FRMD4A: variants seen among roughly 807,000 people sequenced by gnomAD.
FRMD4A encodes the protein FERM domain-containing protein 4A.
FRMD4A carries 29 observed loss-of-function variants against 129.1 expected under a neutral mutation model. The ratio of observed to expected loss-of-function variants is 0.22; its 90% CI spans 0.17 to 0.31. The LOEUF (loss-of-function observed/expected upper bound fraction) is 0.31, where lower values mean the gene tolerates loss of function less well. FRMD4A is among the 10% of genes least tolerant of loss of function. FRMD4A has a pLI of 1.00. For synonymous variants in FRMD4A, 634 were observed against 571.6 expected (o/e 1.11, Z -1.56); for missense variants, 1,272 against 1,375.8 (o/e 0.92, Z 1.19).
intron 3 of FRMD4A, among the ~76,000 whole-genome samples, chr10:13,815,517 T>C (rs1470977976): frequency 2.0e-5 from 3 of 152,070 alleles, no homozygotes; most frequent in Non-Finnish European, 4.4e-5. Context: ...TGCCACTGAA[T>C]TGCACATACG....
intron 2 of FRMD4A, among the ~76,000 whole-genome samples, chr10:14,045,043 C>T (rs1833929998): frequency 6.6e-6 from 1 of 152,120 alleles, no homozygotes; most frequent in Non-Finnish European, 1.5e-5. Flanking sequence ...GCTGGGACTA[C>T]AGGCACCCAC....
chr10:14,100,295 T>C (rs559533225), intron 2 of FRMD4A, among the ~76,000 whole-genome samples: 10 of 152,340 alleles, frequency 6.6e-5, no homozygotes, highest in African/African-American at 2.4e-4. Flanking sequence ...AAAGAATTCA[T>C]TATAAATATT....
At chr10:13,876,151 A>C (rs1426028984) in intron 2 of FRMD4A, among the ~76,000 whole-genome samples, 1 of 152,280 alleles carries the variant, frequency 6.6e-6, no homozygotes, top group Non-Finnish European at 1.5e-5. Flanking sequence ...ACTCAGGGAC[A>C]GACGGACTCT....
intron 15 of FRMD4A, among the ~76,000 whole-genome samples, chr10:13,683,356 G>A (rs780859595): frequency 3.9e-5 from 6 of 151,956 alleles, no homozygotes; most frequent in Admixed American, 6.5e-5. Context: ...AGGCCCTGGC[G>A]GGAGGATTGC....
intron 2 of FRMD4A, among the ~76,000 whole-genome samples, chr10:14,168,792 A>C (rs890650814): frequency 6.6e-6 from 1 of 152,228 alleles, no homozygotes; most frequent in Non-Finnish European, 1.5e-5. Flanking sequence ...TATACAGAAA[A>C]AAACTGAGGC....
intron 3 of FRMD4A, among the ~76,000 whole-genome samples, chr10:13,828,059 C>T (rs1162176999): frequency 6.6e-6 from 1 of 152,242 alleles, no homozygotes; most frequent in African/African-American, 2.4e-5. Context: ...CTCCAGCAGG[C>T]CTCGTCTGAG....
chr10:13,722,835 CTAGG>C (rs1329879955), intron 12 of FRMD4A, among the ~76,000 whole-genome samples: 1 of 152,162 alleles, frequency 6.6e-6, no homozygotes, highest in Non-Finnish European at 1.5e-5. Flanking sequence ...TGCTGGTTAG[CTAGG>C]TCACCATGCT....
chr10:13,714,543 T>C (rs2088584366), intron 12 of FRMD4A, among the ~76,000 whole-genome samples: 1 of 152,168 alleles, frequency 6.6e-6, no homozygotes, highest in Non-Finnish European at 1.5e-5. Flanking sequence ...AGTCTTCTAC[T>C]TTGTACTGGA....
intron 3 of FRMD4A, among the ~76,000 whole-genome samples, chr10:13,830,654 C>G (rs971305299): frequency 2.6e-4 from 40 of 152,200 alleles, no homozygotes; most frequent in Non-Finnish European, 3.4e-4. Context: ...TTATGGGAGG[C>G]CTTGCCCTAC....
intron 2 of FRMD4A, among the ~76,000 whole-genome samples, chr10:13,928,494 C>A (rs915886873): frequency 2.8e-4 from 43 of 152,128 alleles, no homozygotes; most frequent in African/African-American, 1.0e-3. Context: ...AAATGATCTA[C>A]ATGCACATTT....
intron 2 of FRMD4A, among the ~76,000 whole-genome samples, chr10:14,220,118 C>T (rs1006559995): frequency 3.3e-5 from 5 of 152,170 alleles, no homozygotes; most frequent in African/African-American, 4.8e-5. Context: ...CCAGAACTTA[C>T]GTTCTAGTGA....
chr10:13,863,753 C>CTT (rs57497357), intron 2 of FRMD4A, among the ~76,000 whole-genome samples: 2,739 of 150,054 alleles, frequency 0.018, 33 homozygotes, highest in African/African-American at 0.023. Flanking sequence ...TAATATGTTA[C>CTT]TTTTTTTTTC....
chr10:13,941,573 G>T (rs2095292859), intron 2 of FRMD4A, among the ~76,000 whole-genome samples: 1 of 152,206 alleles, frequency 6.6e-6, no homozygotes, highest in Non-Finnish European at 1.5e-5. Flanking sequence ...TCAGATCGTA[G>T]ACACCAGGCA....
intron 2 of FRMD4A, among the ~76,000 whole-genome samples, chr10:14,324,365 C>A (rs1055379801): frequency 6.6e-6 from 1 of 152,124 alleles, no homozygotes; most frequent in African/African-American, 2.4e-5. Context: ...TTGGAGGTAA[C>A]AATGACATGA....
intron 18 of FRMD4A, 67 bp downstream of exon 18, chr10:13,666,030 G>A: frequency 3.4e-6 from 3 of 886,110 alleles, no homozygotes; most frequent in Non-Finnish European, 3.8e-6. Context: ...CCACTCGTGG[G>A]ACCTGGCGTC....
chr10:13,803,017 C>T (rs370901285), intron 4 of FRMD4A, among the ~76,000 whole-genome samples: 48 of 152,044 alleles, frequency 3.2e-4, no homozygotes, highest in African/African-American at 8.0e-4. Flanking sequence ...GGTGTGGTGG[C>T]GGATGCCTGT....
intron 2 of FRMD4A, among the ~76,000 whole-genome samples, chr10:14,329,222 C>T (rs983454264): frequency 2.0e-5 from 3 of 152,174 alleles, no homozygotes; most frequent in Admixed American, 1.3e-4. Context: ...ATGCTGGAAA[C>T]ATTTCCATGC....
chr10:14,066,044 C>T (rs138309713), intron 2 of FRMD4A, among the ~76,000 whole-genome samples: 1 of 22,276 alleles, frequency 4.5e-5, no homozygotes, highest in African/African-American at 1.3e-4. Context: ...GTGTGTGTGT[C>T]GGTAGGGGGA....
chr10:13,883,434 G>T (rs969679015), intron 2 of FRMD4A, among the ~76,000 whole-genome samples: 2 of 152,126 alleles, frequency 1.3e-5, no homozygotes. Context: ...GGAGGTTGTG[G>T]TGAGTTGACA....
Sources: allele counts gnomAD v4.1 joint callset (sites outside exome capture counted in the v4.1 genomes callset), GRCh38; gene constraint gnomAD v4.1.1; transcripts MANE v1.5; gene names NCBI Gene and HGNC (gene_info 2026-07-23, HGNC 2026-07-21).